The following INCA1 variants were observed in gnomAD, a reference collection of about 807,000 sequenced individuals.
INCA1 encodes the protein inhibitor of CDK, cyclin A1 interacting protein 1.
Under a neutral mutation model 25.7 loss-of-function variants are expected in INCA1, and 28 were observed. The ratio of observed to expected loss-of-function variants is 1.09; its 90% CI spans 0.81 to 1.49. The LOEUF is 1.49. Ranked by LOEUF, INCA1 falls within the 40% of genes most tolerant of loss-of-function variation. The probability of loss-of-function intolerance (pLI) is 0.00; values close to 1 mark genes in which losing one functional copy is unlikely to be tolerated. For missense variants in INCA1, 309 were observed against 290.9 expected (o/e 1.06, Z -0.45); for synonymous variants, 111 against 103.6 (o/e 1.07, Z -0.43).
At chr17:4,989,924 G>C (rs1271767076) in exon 4 of INCA1, 2 of 1,614,222 alleles carry the variant, frequency 1.2e-6, no homozygotes, top group Non-Finnish European at 1.7e-6. Flanking sequence ...CTCCAGCCAA[G>C]TGGGGCTGTG....
exon 3 of INCA1, chr17:4,990,185 T>A: frequency 6.2e-7 from 1 of 1,614,196 alleles, no homozygotes; most frequent in Non-Finnish European, 8.5e-7. Flanking sequence ...CCAGAAGACA[T>A]CTCCATAACG....
intron 2 of INCA1, among the ~76,000 whole-genome samples, chr17:4,991,889 A>C (rs1292602980): frequency 6.6e-6 from 1 of 152,026 alleles, no homozygotes; most frequent in Non-Finnish European, 1.5e-5. Flanking sequence ...ACCACTCCTC[A>C]TCATTCCCAC....
chr17:4,994,024 G>A (rs1019515055), intron 2 of INCA1, among the ~76,000 whole-genome samples: 2 of 151,734 alleles, frequency 1.3e-5, no homozygotes, highest in African/African-American at 2.4e-5. Flanking sequence ...CGCCTGCCTC[G>A]GCCTCCCAAA....
At chr17:4,993,555 G>A (rs1488662386) in intron 2 of INCA1, among the ~76,000 whole-genome samples, 4 of 149,988 alleles carry the variant, frequency 2.7e-5, no homozygotes, top group East Asian at 3.9e-4. Context: ...TGCAAGGTCC[G>A]CCTCCTGGGT....
chr17:4,994,923 C>T (rs973290970), intron 1 of INCA1, among the ~76,000 whole-genome samples: 3 of 151,306 alleles, frequency 2.0e-5, no homozygotes, highest in Non-Finnish European at 3.0e-5. Flanking sequence ...GTATTTGTAG[C>T]GGCTGGGCGC....
chr17:4,996,666 C>CAAAAAA (rs35732129), intron 1 of INCA1, among the ~76,000 whole-genome samples: 31 of 51,786 alleles, frequency 6.0e-4, no homozygotes, highest in Non-Finnish European at 7.2e-4. Flanking sequence ...GACTCCGTCT[C>CAAAAAA]AAAAAAAAAA....
At chr17:4,988,751 A>C in intron 6 of INCA1, 28 bp downstream of exon 6, 1 of 1,612,900 alleles carries the variant, frequency 6.2e-7, no homozygotes, top group Non-Finnish European at 8.5e-7. Flanking sequence ...TCACTCCCTC[A>C]CTCCACCCAG....
rs1048758427 is a variant in INCA1, at chr17:4,991,488, T to C, written c.45-1223A>G. Among the ~76,000 whole-genome samples, 6 of 152,300 alleles carry C rather than the reference T, an allele frequency of 3.9e-5. No homozygotes were observed. In the South Asian group the frequency reaches 6.2e-4, roughly 16 times the overall value. ...GGACTAATATCCTTGTAAATAGGAG[T>C]GTGCAGAGCTGTTTGAGAACACTGC... On this transcript the variant is annotated intron_variant, in intron 2 of 6. Coordinates refer to ENST00000576820, the Ensembl canonical transcript of INCA1.
chr17:4,990,787 G>A (rs1194285747), intron 2 of INCA1, among the ~76,000 whole-genome samples: 5 of 150,834 alleles, frequency 3.3e-5, no homozygotes, highest in Admixed American at 6.6e-5. Context: ...GGAGGCTGAG[G>A]CAGGAGAATC....
chr17:4,990,233 G>A lies in INCA1; in HGVS notation c.77C>T (p.Pro26Leu), dbSNP rs1338996185. ...TCTGAGGCTCTGGGAAGGCAACCTT[G>A]GGGGTGGAGATCGGCTGACCACCCT... Residue 26 changes from proline (P) to leucine (L), a missense_variant, in exon 3 of 7, where the codon CCA becomes CTA. Physicochemically the swap from Pro to Leu is moderately conservative, Grantham distance 98 (BLOSUM62 -3). Coordinates refer to ENST00000576820, the Ensembl canonical transcript of INCA1. 6 of 1,613,950 alleles carry A rather than the reference G, an allele frequency of 3.7e-6. No homozygotes were observed. The East Asian group carries it at 1.3e-4, about 36-fold the overall frequency.
chr17:4,990,234 G>C lies in INCA1; in HGVS notation c.76C>G (p.Pro26Ala), dbSNP rs199735168. The C allele has an allele frequency of 1.2e-5, 19 of 1,613,954 alleles. No individual in the cohort carries two copies. Among genetic ancestry groups the C allele is most frequent in the Admixed American group, 1.7e-5 (1 of 59,998 alleles). ...CTGAGGCTCTGGGAAGGCAACCTTG[G>C]GGGTGGAGATCGGCTGACCACCCTG... Residue 26 changes from proline to alanine, a missense_variant, in exon 3 of 7, where the codon CCA (proline) becomes GCA (alanine). By Grantham distance (27) the Pro-to-Ala change is conservative. Transcript: ENST00000576820.
chr17:4,994,791 AAAAAAAAAAAAAAAAAAAAAAAGGCATTC>A (rs932103338), intron 1 of INCA1, among the ~76,000 whole-genome samples: 22 of 32,634 alleles, frequency 6.7e-4, no homozygotes, highest in African/African-American at 1.6e-3. Context: ...CTCTGTCTCA[AAAAAAAAAAAAAAAAAAAAAAAGGCATTC>A]ATTCATATAA....
intron 1 of INCA1, among the ~76,000 whole-genome samples, chr17:4,996,260 G>A (rs993758164): frequency 2.0e-5 from 3 of 151,574 alleles, no homozygotes; most frequent in East Asian, 1.9e-4. Context: ...GGTGGTGTGC[G>A]CTTGTACCCG....
exon 5 of INCA1, chr17:4,989,447 G>T: frequency 2.5e-6 from 4 of 1,613,672 alleles, no homozygotes; most frequent in Non-Finnish European, 3.4e-6. Flanking sequence ...ATGCTCTGAC[G>T]CCTTCTTAGG....
rs540200738 is a variant in INCA1, at chr17:4,992,865, A to G, written c.44+1529T>C. On this transcript the variant is annotated intron_variant, in intron 2 of 6. Transcript: ENST00000576820. ...CCTGGGGTTATAAGCATGAGCCACC[A>G]CACTTAGCATAGTGTTTTGTTTTTG... 4.6e-5 allele frequency among the ~76,000 whole-genome samples: 7 copies of G among 152,014 alleles called. No individual in the cohort carries two copies. The South Asian group carries it at 1.5e-3, about 32-fold the overall frequency.
intron 1 of INCA1, 88 bp from the exon 2 acceptor site, chr17:4,994,563 G>A (rs1175221622): frequency 1.3e-5 from 12 of 955,496 alleles, no homozygotes; most frequent in South Asian, 2.7e-5. Context: ...AGGCCAAGGC[G>A]GGCGGATCAT....
intron 1 of INCA1, 37 bp from the exon 2 acceptor site, chr17:4,994,512 C>T (rs1009323219): frequency 6.5e-7 from 1 of 1,540,982 alleles, no homozygotes; most frequent in Non-Finnish European, 9.0e-7. Flanking sequence ...TTCATTCGGG[C>T]TGGATGTGGT....
chr17:4,989,773 G>A, intron 4 of INCA1, 117 bp downstream of exon 4: 3 of 1,561,346 alleles, frequency 1.9e-6, no homozygotes, highest in Non-Finnish European at 2.6e-6. Context: ...GGAAGGCCTG[G>A]TCAGTGCACT....
chr17:4,989,731 A>T, intron 4 of INCA1, 107 bp from the exon 5 acceptor site: 1 of 1,551,410 alleles, frequency 6.4e-7, no homozygotes, highest in Non-Finnish European at 8.9e-7. Context: ...GACCCCTGTG[A>T]TCTCGAAAAC....
Sources: allele counts gnomAD v4.1 joint callset (sites outside exome capture counted in the v4.1 genomes callset), GRCh38; gene constraint gnomAD v4.1.1; transcripts MANE v1.5; gene names NCBI Gene and HGNC (gene_info 2026-07-23, HGNC 2026-07-21).